Variants in KIAA0825 observed in about 807,000 individuals in gnomAD.
KIAA0825 encodes the protein KIAA0825.
Under a neutral mutation model 147.6 loss-of-function variants are expected in KIAA0825, and 119 were observed. The observed-to-expected ratio is 0.81, with a 90% confidence interval of 0.69 to 0.94. The LOEUF (loss-of-function observed/expected upper bound fraction) is 0.94. Ranked by LOEUF, KIAA0825 falls within the 40% of genes least tolerant of loss-of-function variation. The pLI is 0.00. For missense variants in KIAA0825, 1,381 were observed against 1,472.7 expected (o/e 0.94, Z 1.02); for synonymous variants, 470 against 518.1 (o/e 0.91, Z 1.26).
chr5:94,462,320 T>C (rs1180690930), intron 12 of KIAA0825, 67 bp downstream of exon 12: 3 of 832,946 alleles, frequency 3.6e-6, no homozygotes, highest in South Asian at 5.6e-5. Context: ...CCATAAGTGT[T>C]ATGAAAATAA....
chr5:94,188,006 T>A (rs902022004), intron 20 of KIAA0825, among the ~76,000 whole-genome samples: 1 of 152,178 alleles, frequency 6.6e-6, no homozygotes, highest in African/African-American at 2.4e-5. Context: ...ATTGCTCTCA[T>A]GAATTTGATT....
At chr5:94,519,470 A>G (rs1476152054) in intron 5 of KIAA0825, 2 of 863,490 alleles carry the variant, frequency 2.3e-6, no homozygotes, top group East Asian at 2.4e-4. Context: ...CAACCACAAT[A>G]AGAAAAGTTT....
chr5:94,179,929 A>C (rs185177175), intron 20 of KIAA0825, among the ~76,000 whole-genome samples: 135 of 152,200 alleles, frequency 8.9e-4, no homozygotes, highest in African/African-American at 3.2e-3. Context: ...ACAATTAATA[A>C]ATACAAGGAA....
chr5:94,286,006 A>G (rs189310750), intron 20 of KIAA0825, among the ~76,000 whole-genome samples: 2 of 152,192 alleles, frequency 1.3e-5, no homozygotes, highest in Admixed American at 1.3e-4. Flanking sequence ...TTCAGAAAGC[A>G]ATGATGAAAA....
At chr5:94,451,821 A>G (rs2150904691) in intron 13 of KIAA0825, among the ~76,000 whole-genome samples, 1 of 152,348 alleles carries the variant, frequency 6.6e-6, no homozygotes, top group Non-Finnish European at 1.5e-5. Context: ...TGATAATAAC[A>G]TGGAGAACAG....
At chr5:94,304,613 G>A (rs1234381751) in intron 20 of KIAA0825, among the ~76,000 whole-genome samples, 1 of 151,320 alleles carries the variant, frequency 6.6e-6, no homozygotes, top group African/African-American at 2.4e-5. Context: ...TTGCTTTCTG[G>A]TTGGTCACAA....
intron 20 of KIAA0825, among the ~76,000 whole-genome samples, chr5:94,214,016 G>A (rs752660485): frequency 1.3e-5 from 2 of 152,074 alleles, no homozygotes; most frequent in African/African-American, 4.8e-5. Context: ...CATTCACAAT[G>A]ATTTATTTTT....
intron 14 of KIAA0825, among the ~76,000 whole-genome samples, chr5:94,435,415 C>T (rs1047917659): frequency 1.3e-5 from 2 of 151,026 alleles, no homozygotes; most frequent in African/African-American, 2.4e-5. Flanking sequence ...GTCAGTGTGC[C>T]TCTAGCTCCA....
At chr5:94,310,723 G>A (rs1421708295) in intron 20 of KIAA0825, among the ~76,000 whole-genome samples, 1 of 151,552 alleles carries the variant, frequency 6.6e-6, no homozygotes, top group Non-Finnish European at 1.5e-5. Flanking sequence ...ACAAATTATT[G>A]AATAAGCAGT....
At chr5:94,159,695 C>G (rs1767369086) in intron 20 of KIAA0825, among the ~76,000 whole-genome samples, 1 of 152,100 alleles carries the variant, frequency 6.6e-6, no homozygotes, top group Admixed American at 6.6e-5. Flanking sequence ...TCTGTTCACC[C>G]TAGCATGGCC....
intron 17 of KIAA0825, among the ~76,000 whole-genome samples, chr5:94,392,268 A>G (rs1749999844): frequency 6.6e-6 from 1 of 152,160 alleles, no homozygotes; most frequent in Non-Finnish European, 1.5e-5. Context: ...GCCTTTTAAA[A>G]ATATGTGACC....
At chr5:94,162,572 T>G (rs896882533) in intron 20 of KIAA0825, among the ~76,000 whole-genome samples, 1 of 152,150 alleles carries the variant, frequency 6.6e-6, no homozygotes, top group Non-Finnish European at 1.5e-5. Context: ...GGATTATAAG[T>G]GTCAGCTACC....
intron 10 of KIAA0825, among the ~76,000 whole-genome samples, chr5:94,468,134 G>T (rs1760779990): frequency 6.6e-6 from 1 of 152,180 alleles, no homozygotes; most frequent in Admixed American, 6.5e-5. Flanking sequence ...CTTGTCATAA[G>T]ATCTAAGAGC....
chr5:94,574,459 G>A (rs904490954), intron 2 of KIAA0825, among the ~76,000 whole-genome samples: 13 of 149,752 alleles, frequency 8.7e-5, no homozygotes, highest in Non-Finnish European at 1.3e-4. Flanking sequence ...CAGGAGCATC[G>A]CGTGAACCCG....
intron 20 of KIAA0825, among the ~76,000 whole-genome samples, chr5:94,292,597 C>T (rs1777949735): frequency 6.6e-6 from 1 of 152,028 alleles, no homozygotes; most frequent in African/African-American, 2.4e-5. Context: ...GTGTCTTTGA[C>T]AGGTTTTGGT....
chr5:94,452,272 G>A (rs1363910575), intron 13 of KIAA0825, among the ~76,000 whole-genome samples: 1 of 152,150 alleles, frequency 6.6e-6, no homozygotes, highest in East Asian at 1.9e-4. Flanking sequence ...TGACAATCTT[G>A]TTCCTCAAGA....
chr5:94,547,892 C>A (rs868042647), intron 2 of KIAA0825, among the ~76,000 whole-genome samples: 2 of 151,096 alleles, frequency 1.3e-5, no homozygotes, highest in South Asian at 4.2e-4. Context: ...AACAAAAAAA[C>A]CTTTTACCCT....
chr5:94,527,697 C>G (rs1222435288), intron 3 of KIAA0825, among the ~76,000 whole-genome samples: 1 of 152,016 alleles, frequency 6.6e-6, no homozygotes, highest in African/African-American at 2.4e-5. Flanking sequence ...AATTGTTACA[C>G]TGAAATTTCG....
chr5:94,309,816 A>G (rs1285382650), intron 20 of KIAA0825, among the ~76,000 whole-genome samples: 1 of 151,676 alleles, frequency 6.6e-6, no homozygotes. Context: ...ATGAAACCTC[A>G]CACAGTATAA....
Sources: allele counts gnomAD v4.1 joint callset (sites outside exome capture counted in the v4.1 genomes callset), GRCh38; gene constraint gnomAD v4.1.1; transcripts MANE v1.5; gene names NCBI Gene and HGNC (gene_info 2026-07-23, HGNC 2026-07-21).